Variants in EXOC4 observed in about 807,000 individuals in gnomAD.
EXOC4 encodes the protein exocyst complex component 4.
In EXOC4, 71 loss-of-function variants were observed where a neutral mutation model predicts 107.2. That is an observed-to-expected ratio of 0.66 (90% CI 0.55 to 0.81). The LOEUF (loss-of-function observed/expected upper bound fraction) is 0.81, where lower values mean the gene tolerates loss of function less well. Among genes scored for constraint, EXOC4 ranks in the 30% least tolerant of loss-of-function variants. EXOC4 has a pLI of 0.00. For synonymous variants in EXOC4, 456 were observed against 441.2 expected (o/e 1.03, Z -0.42); for missense variants, 1,108 against 1,189.6 (o/e 0.93, Z 1.01).
chr7:133,662,201 G>T (rs1240079791), intron 10 of EXOC4, among the ~76,000 whole-genome samples: 1 of 152,106 alleles, frequency 6.6e-6, no homozygotes, highest in African/African-American at 2.4e-5. Context: ...GTGGTAGTCT[G>T]CATAGAGGTG....
intron 1 of EXOC4, 71 bp downstream of exon 1, chr7:133,253,258 G>T: frequency 6.4e-7 from 1 of 1,558,998 alleles, no homozygotes; most frequent in South Asian, 1.1e-5. Flanking sequence ...AAGGGAGAAG[G>T]GTTAGCTGGG....
intron 6 of EXOC4, among the ~76,000 whole-genome samples, chr7:133,361,949 T>G (rs950318654): frequency 6.6e-6 from 1 of 152,170 alleles, no homozygotes; most frequent in Non-Finnish European, 1.5e-5. Context: ...ATGTTTAAAG[T>G]GTTTATTTCC....
chr7:133,631,939 A>G (rs940390196), intron 10 of EXOC4, among the ~76,000 whole-genome samples: 1 of 152,118 alleles, frequency 6.6e-6, no homozygotes, highest in African/African-American at 2.4e-5. Context: ...TCTTGTGCTT[A>G]CATTTATTCC....
intron 10 of EXOC4, among the ~76,000 whole-genome samples, chr7:133,714,705 T>A (rs1562921042): frequency 6.6e-6 from 1 of 152,154 alleles, no homozygotes; most frequent in Non-Finnish European, 1.5e-5. Context: ...TGATTTAAAG[T>A]ATGTGGGAGG....
chr7:133,487,368 T>TG (rs749827115), intron 9 of EXOC4, among the ~76,000 whole-genome samples: 2 of 152,216 alleles, frequency 1.3e-5, no homozygotes, highest in Admixed American at 6.5e-5. Flanking sequence ...TTTTAAAAGT[T>TG]GAACAAATGC....
At chr7:133,971,359 TATAGAGAGAGAGAG>T (rs1313615700) in intron 14 of EXOC4, among the ~76,000 whole-genome samples, 14 of 96,732 alleles carry the variant, frequency 1.4e-4, no homozygotes, top group East Asian at 1.0e-3. Context: ...TATATATATA[TATAGAGAGAGAGAG>T]AGAGAGAGAG....
At position 134,064,535 on chromosome 7, in the gene EXOC4, G is replaced by A. The variant is rs375358383; in HGVS notation, c.*7G>A. ...GAAGATAACTACCGTTTAGCAGGGC[G>A]TACTGCGGTTGGTGACGGGGGTCCC... On this transcript the variant is annotated 3_prime_UTR_variant, in exon 18 of 18. Transcript: ENST00000253861. 7.8e-5 allele frequency: 121 copies of A among 1,551,972 alleles called. No homozygotes were observed. Among genetic ancestry groups the A allele is most frequent in the African/African-American group, 4.4e-4 (32 of 73,024 alleles).
chr7:133,875,570 G>T (rs369311962), intron 11 of EXOC4, among the ~76,000 whole-genome samples: 1 of 152,156 alleles, frequency 6.6e-6, no homozygotes, highest in Non-Finnish European at 1.5e-5. Flanking sequence ...TCCCGAGGCT[G>T]GTCACATAGA....
chr7:134,025,462 A>G (rs142506557), intron 17 of EXOC4, among the ~76,000 whole-genome samples: 2 of 152,322 alleles, frequency 1.3e-5, no homozygotes, highest in Non-Finnish European at 2.9e-5. Context: ...CAACCATTAT[A>G]TGAGTTCTCT....
the EXOC4 span, among the ~76,000 whole-genome samples, chr7:134,085,262 C>A: frequency 3.3e-5 from 5 of 151,776 alleles, no homozygotes; most frequent in Admixed American, 3.3e-4. Context: ...TTGGAGACTT[C>A]CAGAATGGTG....
intron 2 of EXOC4, among the ~76,000 whole-genome samples, chr7:133,285,735 CT>C (rs1302879046): frequency 6.7e-6 from 1 of 149,192 alleles, no homozygotes; most frequent in Non-Finnish European, 1.5e-5. Flanking sequence ...ATGTTCTGGC[CT>C]TTTTTTTCTT....
At chr7:133,787,824 G>T (rs1796607108) in intron 10 of EXOC4, among the ~76,000 whole-genome samples, 1 of 150,450 alleles carries the variant, frequency 6.6e-6, no homozygotes. Flanking sequence ...TCACACTGGG[G>T]GTTTGAGTTT....
chr7:133,669,175 G>T (rs1183057892), intron 10 of EXOC4, among the ~76,000 whole-genome samples: 2 of 151,936 alleles, frequency 1.3e-5, no homozygotes, highest in African/African-American at 4.8e-5. Context: ...CTCGCTCAGG[G>T]AGGCCATGAC....
intron 9 of EXOC4, among the ~76,000 whole-genome samples, chr7:133,518,202 T>G (rs1287095128): frequency 6.6e-6 from 1 of 151,854 alleles, no homozygotes; most frequent in Admixed American, 6.6e-5. Context: ...GGTGGAGAAA[T>G]CGGCCGTATT....
chr7:133,708,238 C>A (rs1355624013), intron 10 of EXOC4, among the ~76,000 whole-genome samples: 1 of 152,156 alleles, frequency 6.6e-6, no homozygotes, highest in Non-Finnish European at 1.5e-5. Context: ...ACTTGATAAA[C>A]TAAAATAAAT....
At chr7:133,782,987 A>G (rs1796498907) in intron 10 of EXOC4, among the ~76,000 whole-genome samples, 1 of 152,166 alleles carries the variant, frequency 6.6e-6, no homozygotes, top group Non-Finnish European at 1.5e-5. Context: ...CAGCTATGCC[A>G]TATATTTGCG....
At chr7:133,770,179 G>A (rs1042418618) in intron 10 of EXOC4, among the ~76,000 whole-genome samples, 8 of 151,638 alleles carry the variant, frequency 5.3e-5, no homozygotes, top group East Asian at 3.9e-4. Flanking sequence ...CACTTAACTC[G>A]TGCTAAGCAT....
chr7:133,434,889 G>T (rs1372098094), intron 7 of EXOC4, among the ~76,000 whole-genome samples: 1 of 151,984 alleles, frequency 6.6e-6, no homozygotes, highest in Non-Finnish European at 1.5e-5. Flanking sequence ...TTGCTTTATT[G>T]TAAGTAAACT....
At chr7:134,054,815 G>A (rs1325208190) in intron 17 of EXOC4, among the ~76,000 whole-genome samples, 1 of 152,166 alleles carries the variant, frequency 6.6e-6, no homozygotes, top group Non-Finnish European at 1.5e-5. Flanking sequence ...AATTCACATT[G>A]TTATCCAAAG....
Sources: gnomAD v4.1 joint callset for allele counts (sites outside exome capture counted in the v4.1 genomes callset) on GRCh38, gnomAD v4.1.1 for gene constraint, MANE v1.5 for transcripts, NCBI Gene and HGNC (gene_info 2026-07-23, HGNC 2026-07-21) for gene names.